DMC1: variants seen among roughly 807,000 people sequenced by gnomAD.
DMC1 encodes the protein meiotic recombination protein DMC1 homolog.
In DMC1, 27 loss-of-function variants were observed where a neutral mutation model predicts 50.1. That is an observed-to-expected ratio of 0.54 (90% CI 0.40 to 0.74). DMC1 has a LOEUF of 0.74. DMC1 is among the 30% of genes least tolerant of loss of function. DMC1 has a pLI of 0.00. For synonymous variants in DMC1, 148 were observed against 136.1 expected, an observed-to-expected ratio of 1.09 and a Z score of -0.61; for missense variants, 295 against 420.2, an observed-to-expected ratio of 0.70 and a Z score of 2.60.
At chr22:38,533,476 G>C (rs781416763) in intron 12 of DMC1, among the ~76,000 whole-genome samples, 9 of 151,622 alleles carry the variant, frequency 5.9e-5, no homozygotes, top group South Asian at 2.1e-4. Flanking sequence ...AATTGTTAAG[G>C]GTAAATTTGG....
At chr22:38,513,723 G>T in the DMC1 span, among the ~76,000 whole-genome samples, 7 of 152,046 alleles carry the variant, frequency 4.6e-5, no homozygotes, top group African/African-American at 1.7e-4. Context: ...GATTACAGGT[G>T]CGCACCACCA....
chr22:38,537,620 T>C lies in DMC1; in HGVS notation c.808A>G (p.Met270Val). The change falls in exon 12 of 14, where the codon ATG becomes GTG. Residue 270 changes from methionine (M) to valine (V), a missense_variant. Physicochemically the swap from Met to Val is conservative, Grantham distance 21. Transcript: ENST00000216024. ...ATAGTTGCTCCTGGATCGGCAGTCATTTGATTGGTCACAAAAACAGCCACG... is the reference window on the plus strand; with the variant it reads ...ATAGTTGCTCCTGGATCGGCAGTCACTTGATTGGTCACAAAAACAGCCACG... ...YNVAVFVTNQ[M>V]TADPGATMTF... The C allele has an allele frequency of 2.5e-6, 4 of 1,614,088 alleles. No homozygotes were observed. Among genetic ancestry groups the C allele is most frequent in the South Asian group, 1.1e-5 (1 of 91,072 alleles).
Position 38,538,251 on chromosome 22 carries a change from T to C in DMC1, c.775+44A>G, listed in dbSNP as rs765308228. ...TTCCAAGCTTCTCTGCAAAGTATAC[T>C]TGACAAACATAGTCACAGATGCCAT... On this transcript the variant is annotated intron_variant, in intron 11 of 13. Transcript: ENST00000216024. 1.5e-5 allele frequency: 23 copies of C among 1,519,604 alleles called. 1 individual carries two copies. In the South Asian group the frequency reaches 2.4e-4, roughly 16 times the overall value. 94.1% of individuals were successfully genotyped at this position (1,519,604 alleles called of 1,614,324 possible).
downstream of DMC1, among the ~76,000 whole-genome samples, chr22:38,517,526 G>A (rs1006647341): frequency 2.0e-5 from 3 of 152,068 alleles, no homozygotes; most frequent in Non-Finnish European, 4.4e-5. Flanking sequence ...CTGAGATTGC[G>A]CCATTGCACT....
chr22:38,565,811 C>G (rs1034754819), intron 4 of DMC1, among the ~76,000 whole-genome samples: 1 of 152,242 alleles, frequency 6.6e-6, no homozygotes, highest in African/African-American at 2.4e-5. Flanking sequence ...GACCCAACCA[C>G]TGTTGGTCTT....
At chr22:38,562,621 C>T (rs1223634804) in intron 4 of DMC1, among the ~76,000 whole-genome samples, 1 of 152,104 alleles carries the variant, frequency 6.6e-6, no homozygotes, top group African/African-American at 2.4e-5. Context: ...TCTTGCTATA[C>T]ATCAGCTTCC....
chr22:38,559,982 C>T (rs914523681), intron 5 of DMC1, among the ~76,000 whole-genome samples: 2 of 151,312 alleles, frequency 1.3e-5, no homozygotes, highest in Admixed American at 1.3e-4. Context: ...CATGCCACTG[C>T]ACTCCAGCCT....
the DMC1 span, among the ~76,000 whole-genome samples, chr22:38,511,254 C>G: frequency 6.6e-6 from 1 of 152,032 alleles, no homozygotes; most frequent in African/African-American, 2.4e-5. Context: ...ATTGCTTATC[C>G]AACAACCATT....
At chr22:38,540,897 T>C (rs2090273852) in intron 8 of DMC1, among the ~76,000 whole-genome samples, 1 of 152,200 alleles carries the variant, frequency 6.6e-6, no homozygotes, top group Non-Finnish European at 1.5e-5. Flanking sequence ...GTTTCAGCAC[T>C]GACTGAGTGG....
chr22:38,521,585 A>G (rs1602708784), intron 13 of DMC1, 23 bp downstream of exon 13: 1 of 1,429,596 alleles, frequency 7.0e-7, no homozygotes. Context: ...ACACACACAC[A>G]CACAAAATAA....
chr22:38,543,144 G>C (rs1440841967), intron 8 of DMC1, among the ~76,000 whole-genome samples: 1 of 151,994 alleles, frequency 6.6e-6, no homozygotes, highest in Non-Finnish European at 1.5e-5. Flanking sequence ...ACTGGACTGG[G>C]TAAAGATTTC....
intron 4 of DMC1, among the ~76,000 whole-genome samples, chr22:38,565,704 TG>T (rs1011163852): frequency 5.5e-4 from 84 of 152,208 alleles, no homozygotes; most frequent in African/African-American, 1.9e-3. Flanking sequence ...AGCCTCAATT[TG>T]GGGGCTCACC....
intron 8 of DMC1, among the ~76,000 whole-genome samples, chr22:38,543,693 C>T (rs1241213208): frequency 6.6e-6 from 1 of 152,136 alleles, no homozygotes; most frequent in Non-Finnish European, 1.5e-5. Flanking sequence ...TCCATCAGTT[C>T]TAATCAGTAG....
chr22:38,550,942 AAAAAAAAGAAAGAAAG>A (rs2090399213), intron 7 of DMC1, among the ~76,000 whole-genome samples: 2 of 146,292 alleles, frequency 1.4e-5, no homozygotes, highest in African/African-American at 2.5e-5. Flanking sequence ...AAAAAAAAAA[AAAAAAAAGAAAGAAAG>A]AAAGAAAGAA....
At chr22:38,569,066 C>G (rs1005066301) in intron 1 of DMC1, among the ~76,000 whole-genome samples, 47 of 151,824 alleles carry the variant, frequency 3.1e-4, no homozygotes, top group African/African-American at 1.0e-3. Context: ...CGCCCGTAAT[C>G]CCACCTACTT....
downstream of DMC1, among the ~76,000 whole-genome samples, chr22:38,516,848 G>T (rs1057486537): frequency 3.3e-5 from 5 of 152,070 alleles, no homozygotes; most frequent in Non-Finnish European, 5.9e-5. Flanking sequence ...TCTTTTTTGA[G>T]ACAGGGTCTC....
At chr22:38,547,365 C>G (rs2090354189) in intron 8 of DMC1, among the ~76,000 whole-genome samples, 2 of 152,122 alleles carry the variant, frequency 1.3e-5, no homozygotes, top group Admixed American at 6.5e-5. Context: ...ATGGGATGGA[C>G]TAAAACAGAT....
chr22:38,533,395 C>CAAAAAAAAAAAAAAAAAAAAAAAAAAA (rs1296043692), intron 12 of DMC1, among the ~76,000 whole-genome samples: 1 of 38,486 alleles, frequency 2.6e-5, no homozygotes, highest in Non-Finnish European at 6.0e-5. Context: ...GACTCCATCA[C>CAAAAAAAAAAAAAAAAAAAAAAAAAAA]AAAAAAAAAA....
chr22:38,537,020 T>G (rs1461750349), intron 12 of DMC1, among the ~76,000 whole-genome samples: 1 of 151,226 alleles, frequency 6.6e-6, no homozygotes, highest in Non-Finnish European at 1.5e-5. Context: ...CCAGCTAATT[T>G]TTTGTATTTT....
Sources: gnomAD v4.1 joint callset for allele counts (sites outside exome capture counted in the v4.1 genomes callset) on GRCh38, gnomAD v4.1.1 for gene constraint, MANE v1.5 for transcripts, NCBI Gene and HGNC (gene_info 2026-07-23, HGNC 2026-07-21) for gene names.